The following GLRA3 variants were observed in gnomAD, a reference collection of about 807,000 sequenced individuals.
The protein encoded by GLRA3 is glycine receptor alpha 3.
GLRA3 carries 44 observed loss-of-function variants against 60.4 expected under a neutral mutation model. The observed-to-expected ratio is 0.73, with a 90% confidence interval of 0.57 to 0.94. The LOEUF is 0.94. GLRA3 is among the 40% of genes least tolerant of loss of function. The probability of loss-of-function intolerance (pLI) is 0.00; values close to 1 mark genes in which losing one functional copy is unlikely to be tolerated. For missense variants in GLRA3, 508 were observed against 564.6 expected (o/e 0.90, Z 1.02); for synonymous variants, 223 against 192.9 (o/e 1.16, Z -1.29).
intron 3 of GLRA3, among the ~76,000 whole-genome samples, chr4:174,747,365 C>T (rs558191171): frequency 1.1e-4 from 17 of 152,002 alleles, no homozygotes; most frequent in Middle Eastern, 3.5e-3. Flanking sequence ...TGGGGTGGGG[C>T]GAGAATTCAG....
At chr4:174,672,042 T>A (rs1357900624) in intron 7 of GLRA3, among the ~76,000 whole-genome samples, 1 of 152,168 alleles carries the variant, frequency 6.6e-6, no homozygotes, top group Non-Finnish European at 1.5e-5. Context: ...AAGTAATCAT[T>A]GACCATAAAC....
intron 5 of GLRA3, among the ~76,000 whole-genome samples, chr4:174,710,896 T>C (rs1579487607): frequency 6.6e-6 from 1 of 152,266 alleles, no homozygotes; most frequent in Middle Eastern, 3.4e-3. Flanking sequence ...TTGTGTCTTT[T>C]TGGTCTTTTT....
chr4:174,710,559 G>A lies in GLRA3; in HGVS notation c.574+4929C>T, dbSNP rs115275144. On this transcript the variant is annotated intron_variant, in intron 5 of 9. Transcript: ENST00000274093. ...TGTTGTTCCTATCATTATTGTCTCCGCTCTTGGAAATTCTCATTAATTTAT... is the reference window on the plus strand; with the variant it reads ...TGTTGTTCCTATCATTATTGTCTCCACTCTTGGAAATTCTCATTAATTTAT... Among the ~76,000 whole-genome samples, 353 of 152,006 alleles carry A rather than the reference G, an allele frequency of 2.3e-3. 2 individuals are homozygous for A. The highest frequency in any genetic ancestry group is 8.2e-3 in the African/African-American group (339 of 41,490).
rs114758619 is a variant in GLRA3 at position 174,693,651 on chromosome 4, A to G, written c.575-10712T>C. On this transcript the variant is annotated intron_variant, in intron 5 of 9. Transcript: ENST00000274093. ...TATTCAGGCTCCTCCTTGGTTCCAT[A>G]TGAATTTTAAAATAGTTTTTTTCTA... Among the ~76,000 whole-genome samples, 850 of 152,300 alleles carry G rather than the reference A, an allele frequency of 5.6e-3. 4 individuals carry two copies. The highest frequency in any genetic ancestry group is 8.5e-3 in the Non-Finnish European group (577 of 68,020).
intron 1 of GLRA3, among the ~76,000 whole-genome samples, chr4:174,815,798 C>T (rs546233325): frequency 1.3e-5 from 2 of 152,292 alleles, no homozygotes; most frequent in South Asian, 4.1e-4. Flanking sequence ...AACCTCCAGA[C>T]CTGTGATGGG....
intron 1 of GLRA3, among the ~76,000 whole-genome samples, chr4:174,821,805 C>T (rs1014321161): frequency 4.6e-5 from 7 of 152,092 alleles, no homozygotes; most frequent in Non-Finnish European, 1.0e-4. Context: ...ACAGCCTCTT[C>T]TTGAAGTAGT....
intron 1 of GLRA3, among the ~76,000 whole-genome samples, chr4:174,818,507 T>C (rs988661791): frequency 2.0e-5 from 3 of 152,208 alleles, no homozygotes; most frequent in Admixed American, 6.5e-5. Context: ...TTCTCCACTA[T>C]AGTCTCAGGA....
At chr4:174,810,399 A>G (rs548586145) in intron 1 of GLRA3, among the ~76,000 whole-genome samples, 1 of 152,092 alleles carries the variant, frequency 6.6e-6, no homozygotes, top group East Asian at 1.9e-4. Context: ...TGGAATGGAT[A>G]AGTAGTATTA....
intron 3 of GLRA3, among the ~76,000 whole-genome samples, chr4:174,751,421 A>G (rs1158131713): frequency 6.6e-6 from 1 of 152,164 alleles, no homozygotes; most frequent in Non-Finnish European, 1.5e-5. Flanking sequence ...TGTGGAAGAT[A>G]AATGTGAAAC....
intron 9 of GLRA3, among the ~76,000 whole-genome samples, chr4:174,644,623 C>A (rs555649165): frequency 1.3e-5 from 2 of 152,014 alleles, no homozygotes; most frequent in African/African-American, 4.8e-5. Context: ...TTACACTAAC[C>A]TTTTTGGAAT....
At chr4:174,691,586 G>A (rs1368691368) in intron 5 of GLRA3, among the ~76,000 whole-genome samples, 2 of 152,228 alleles carry the variant, frequency 1.3e-5, no homozygotes, top group Admixed American at 6.5e-5. Flanking sequence ...TGGAGACGGG[G>A]TTTCGCTGTG....
At chr4:174,771,567 G>A (rs1738387471) in intron 2 of GLRA3, among the ~76,000 whole-genome samples, 2 of 152,082 alleles carry the variant, frequency 1.3e-5, no homozygotes, top group Non-Finnish European at 2.9e-5. Flanking sequence ...AAGAACATCA[G>A]TATTGGGTTA....
chr4:174,661,166 C>G, intron 7 of GLRA3, among the ~76,000 whole-genome samples: 1 of 151,304 alleles, frequency 6.6e-6, no homozygotes, highest in Non-Finnish European at 1.5e-5. Context: ...CTAGCAATCA[C>G]ACACACACAC....
At chr4:174,779,724 T>C (rs1738786796) in intron 2 of GLRA3, among the ~76,000 whole-genome samples, 1 of 151,602 alleles carries the variant, frequency 6.6e-6, no homozygotes, top group African/African-American at 2.4e-5. Context: ...AGATGGAAGA[T>C]GAAATGAATG....
In GLRA3 at chr4:174,642,704, A is replaced by T; in HGVS notation, c.*1082T>A. On this transcript the variant is annotated 3_prime_UTR_variant, in exon 10 of 10. Transcript: ENST00000274093. The stretch of plus-strand genomic sequence containing the variant: ...AAAGAGTCCTCACTTTATAGAAATG[A>T]CTTACTTATATCATTTAAAATTAAA... The T allele has an allele frequency of 1.4e-6, 1 of 726,866 alleles. No individual in the cohort carries two copies. The highest frequency in any genetic ancestry group is 1.7e-6 in the Non-Finnish European group (1 of 594,278). The allele number at this position is 726,866 out of a possible 1,614,324, so 45.0% of individuals were successfully genotyped here.
chr4:174,828,973 C>T lies in GLRA3; in HGVS notation c.-162G>A. The T allele has an allele frequency of 1.6e-6, 1 of 617,528 alleles. No individual in the cohort carries two copies. The highest frequency in any genetic ancestry group is 1.9e-5 in the South Asian group (1 of 51,576). The allele number at this position is 617,528 out of a possible 1,614,324, so 38.3% of individuals were successfully genotyped here. On this transcript the variant is annotated 5_prime_UTR_variant, in exon 1 of 10. Transcript: ENST00000274093. ...GACAGCTCCCCGCAGTATGCGGACC[C>T]CTTCTCAGCATTGAGCAGAAGTGGA...
chr4:174,676,777 T>G (rs919471331), intron 7 of GLRA3, among the ~76,000 whole-genome samples: 1 of 152,174 alleles, frequency 6.6e-6, no homozygotes, highest in African/African-American at 2.4e-5. Context: ...ATGTTTAATA[T>G]ATTTCTAAAT....
intron 4 of GLRA3, among the ~76,000 whole-genome samples, chr4:174,726,250 T>A (rs1447507238): frequency 1.3e-5 from 2 of 152,220 alleles, no homozygotes; most frequent in South Asian, 2.1e-4. Context: ...GTGGTCTTCC[T>A]GGCTCTGTGA....
chr4:174,663,835 T>C (rs1433586710), intron 7 of GLRA3, among the ~76,000 whole-genome samples: 1 of 152,200 alleles, frequency 6.6e-6, no homozygotes, highest in African/African-American at 2.4e-5. Context: ...CCCCCTCCTG[T>C]ATGTCTCCCT....
Sources: allele counts gnomAD v4.1 joint callset (sites outside exome capture counted in the v4.1 genomes callset), GRCh38; gene constraint gnomAD v4.1.1; transcripts MANE v1.5; gene names NCBI Gene and HGNC (gene_info 2026-07-23, HGNC 2026-07-21).